Variants in IGLL1 observed in about 807,000 individuals in gnomAD.
IGLL1 encodes the protein immunoglobulin lambda like polypeptide 1.
A neutral mutation model predicts 10.5 loss-of-function variants in IGLL1; 10 were observed. The observed-to-expected ratio is 0.95, with a 90% CI of 0.59 to 1.62. The LOEUF is 1.62. IGLL1 is among the 40% of genes most tolerant of loss of function. The pLI, the probability that IGLL1 is intolerant of heterozygous loss-of-function variation, is 0.00. For synonymous variants in IGLL1, 141 were observed against 122.7 expected, an observed-to-expected ratio of 1.15 and a Z score of -0.99; for missense variants, 284 against 278.7, an observed-to-expected ratio of 1.02 and a Z score of -0.14.
At position 23,575,055 on chromosome 22, in the gene IGLL1, A is replaced by G. The variant is rs148009596; in HGVS notation, c.234T>C (p.Thr78=). 6.2e-7 allele frequency: 1 copy of G among 1,614,034 alleles called. No homozygotes were observed. Among genetic ancestry groups the G allele is most frequent in the Non-Finnish European group, 8.5e-7 (1 of 1,179,894 alleles). ...ACCCCCGGGGCCAGCACCTGGGGCC[A>G]GTCCAGGAGCCGCGCTGGAGCAGGA... is the stretch of plus-strand genomic sequence containing the variant. ...GRFLLQRGSW[T]GPRCWPRGFQ... Residue 78 remains threonine, a synonymous_variant, in exon 2 of 3, where the codon ACT becomes ACC. Coordinates refer to ENST00000330377, the MANE Select transcript of IGLL1 (RefSeq NM_020070.4).
intron 1 of IGLL1, among the ~76,000 whole-genome samples, chr22:23,577,790 C>T (rs1433070433): frequency 2.6e-5 from 4 of 152,058 alleles, no homozygotes; most frequent in Admixed American, 2.0e-4. Flanking sequence ...GCCTCAGCCT[C>T]CCAAAGTTGT....
chr22:23,578,234 T>C (rs1051909122), intron 1 of IGLL1, among the ~76,000 whole-genome samples: 1 of 152,158 alleles, frequency 6.6e-6, no homozygotes, highest in Non-Finnish European at 1.5e-5. Context: ...CTTACATTAA[T>C]AGCCCCCCAA....
Position 23,573,607 on chromosome 22 carries a change from T to G in IGLL1, c.323-22A>C, listed in dbSNP as rs367855987. ...TGACCTGTGTGGACAGAGGAGGGGG[T>G]GAGAGATGGCAGAGGGAGTGTGGGG... On this transcript the variant is annotated intron_variant, in intron 2 of 2. Transcript: ENST00000330377. 681 of 1,573,388 alleles carry G rather than the reference T, an allele frequency of 4.3e-4. 1 individual carries two copies. In the African/African-American group the frequency reaches 6.5e-3, roughly 15 times the overall value.
At chr22:23,578,044 CAGCT>C (rs1020546086) in intron 1 of IGLL1, among the ~76,000 whole-genome samples, 1 of 151,974 alleles carries the variant, frequency 6.6e-6, no homozygotes, top group Middle Eastern at 3.2e-3. Context: ...CCACCACGCC[CAGCT>C]AGTTTTTGTA....
chr22:23,577,471 T>C (rs1925116646), intron 1 of IGLL1, among the ~76,000 whole-genome samples: 1 of 151,538 alleles, frequency 6.6e-6, no homozygotes, highest in Non-Finnish European at 1.5e-5. Context: ...TAATAAGCTA[T>C]GAATAGAAAA....
At position 23,575,018 on chromosome 22, in the gene IGLL1, G is replaced by A. The variant is rs1326173513; in HGVS notation, c.271C>T (p.His91Tyr). ...RCWPRGFQSK[H>Y]NSVTHVFGSG... ...CCAAACACATGCGTCACTGAGTTAT[G>A]CTTGGATTGAAACCCCCGGGGCCAG... The change falls in exon 2 of 3, where the codon CAT (histidine) becomes TAT (tyrosine). Residue 91 changes from histidine to tyrosine, a missense_variant. His to Tyr is a moderately conservative substitution (Grantham distance 83). Coordinates refer to ENST00000330377, the MANE Select transcript of IGLL1 (RefSeq NM_020070.4). 3.1e-6 allele frequency: 5 copies of A among 1,614,040 alleles called. No homozygotes were observed. In the African/African-American group the frequency reaches 4.0e-5, roughly 13 times the overall value.
Position 23,573,603 on chromosome 22 carries a change from G to T in IGLL1, c.323-18C>A, listed in dbSNP as rs748268331. On this transcript the variant is annotated intron_variant, in intron 2 of 2. Transcript: ENST00000330377. The stretch of plus-strand genomic sequence containing the variant: ...GGGCTGACCTGTGTGGACAGAGGAG[G>T]GGGTGAGAGATGGCAGAGGGAGTGT... The T allele has an allele frequency of 3.8e-6, 6 of 1,592,390 alleles. No individual in the cohort carries two copies. Among genetic ancestry groups the T allele is most frequent in the South Asian group, 1.1e-5 (1 of 90,612 alleles).
rs1331338309 is a variant in IGLL1 at position 23,573,526 on chromosome 22, C to T, written c.382G>A (p.Ala128Thr). The T allele has an allele frequency of 6.2e-7, 1 of 1,613,824 alleles. No individual in the cohort carries two copies. Among genetic ancestry groups the T allele is most frequent in the African/African-American group, 1.3e-5 (1 of 74,902 alleles). The part of the protein sequence containing the change: ...LFPPSSEELQ[A>T]NKATLVCLMN... ...AGACACACCAGTGTAGCCTTGTTGG[C>T]TTGGAGCTCCTCAGAGGACGGCGGG... The change falls in exon 3 of 3, where the codon GCC (alanine) becomes ACC (threonine). Residue 128 changes from alanine (A) to threonine (T), a missense_variant. By Grantham distance (58) the Ala-to-Thr change is moderately conservative (BLOSUM62 0). Coordinates refer to ENST00000330377, the MANE Select transcript of IGLL1 (RefSeq NM_020070.4).
rs1924874516 is a variant in IGLL1 at position 23,573,340 on chromosome 22, T to C, written c.568A>G (p.Arg190Gly). ...TGCATGACCTGGCAGCTGTAGCTTCTGCGGGACCTCCACTGCTCGGGCGTC... is the reference window on the plus strand; with the variant it reads ...TGCATGACCTGGCAGCTGTAGCTTCCGCGGGACCTCCACTGCTCGGGCGTC... ...SLTPEQWRSR[R>G]SYSCQVMHEG... Residue 190 changes from arginine to glycine, a missense_variant, in exon 3 of 3, where the codon AGA becomes GGA. Coordinates refer to ENST00000330377, the MANE Select transcript of IGLL1 (RefSeq NM_020070.4). 5 of 1,614,118 alleles carry C rather than the reference T, an allele frequency of 3.1e-6. No homozygotes were observed. The highest frequency in any genetic ancestry group is 2.5e-6 in the Non-Finnish European group (3 of 1,180,012).
intron 1 of IGLL1, among the ~76,000 whole-genome samples, chr22:23,578,987 G>A (rs1016892999): frequency 2.6e-5 from 4 of 151,986 alleles, no homozygotes; most frequent in African/African-American, 9.7e-5. Flanking sequence ...AAAAAAAAGA[G>A]AGAAAAAGGG....
chr22:23,573,566 G>A lies in IGLL1; in HGVS notation c.342C>T (p.Pro114=), dbSNP rs146831457. The A allele has an allele frequency of 2.5e-6, 4 of 1,613,714 alleles. No homozygotes were observed. The East Asian group carries it at 6.7e-5, about 27-fold the overall frequency. The change falls in exon 3 of 3, where the codon CCC becomes CCT. Residue 114 remains proline, a synonymous_variant. Transcript: ENST00000330377. ...AGGACGGCGGGAACAGAGTGACCGAGGGGGTGGCCTTGGGCTGACCTGTGT... is the reference window on the plus strand; with the variant it reads ...AGGACGGCGGGAACAGAGTGACCGAAGGGGTGGCCTTGGGCTGACCTGTGT... ...LTVLSQPKAT[P]SVTLFPPSSE... is the part of the protein sequence containing the mutation.
At chr22:23,578,128 C>T (rs1925154298) in intron 1 of IGLL1, among the ~76,000 whole-genome samples, 1 of 152,102 alleles carries the variant, frequency 6.6e-6, no homozygotes, top group South Asian at 2.1e-4. Context: ...GTGATCTGCC[C>T]ATCTTGGCGT....
At position 23,575,032 on chromosome 22, in the gene IGLL1, C is replaced by A; in HGVS notation, c.257G>T (p.Gly86Val). The A allele has an allele frequency of 1.2e-6, 2 of 1,613,832 alleles. No homozygotes were observed. The highest frequency in any genetic ancestry group is 1.3e-5 in the African/African-American group (1 of 75,002). The change falls in exon 2 of 3, where the codon GGG becomes GTG. Residue 86 changes from glycine (G) to valine (V), a missense_variant. By Grantham distance (109) the Gly-to-Val change is moderately radical (BLOSUM62 -3). Coordinates refer to ENST00000330377, the MANE Select transcript of IGLL1 (RefSeq NM_020070.4). ...CACTGAGTTATGCTTGGATTGAAAC[C>A]CCCGGGGCCAGCACCTGGGGCCAGT... is the stretch of plus-strand genomic sequence containing the variant. ...SWTGPRCWPRGFQSKHNSVTH... is the reference protein window; with the variant it reads ...SWTGPRCWPRVFQSKHNSVTH...
At chr22:23,578,721 G>A (rs933503296) in intron 1 of IGLL1, among the ~76,000 whole-genome samples, 1 of 152,174 alleles carries the variant, frequency 6.6e-6, no homozygotes, top group Admixed American at 6.5e-5. Flanking sequence ...TTGGGAGGCT[G>A]AGGTGGGTGG....
rs1924982151 is a variant in IGLL1 at position 23,574,956 on chromosome 22, G to C, written c.322+11C>G. The C allele has an allele frequency of 1.3e-6, 2 of 1,578,422 alleles. No homozygotes were observed. Among genetic ancestry groups the C allele is most frequent in the Non-Finnish European group, 1.7e-6 (2 of 1,147,862 alleles). ...GAGGGTGGGACAGCCTGGGAAGTTA[G>C]AGCCACTTACTTAAAACGGTGAGCT... On this transcript the variant is annotated intron_variant, in intron 2 of 2. Coordinates refer to ENST00000330377, the MANE Select transcript of IGLL1 (RefSeq NM_020070.4).
rs577352984 is a variant in IGLL1, at chr22:23,575,046, C to G, written c.243G>C (p.Arg81Ser). 6.2e-7 allele frequency: 1 copy of G among 1,614,040 alleles called. No individual in the cohort carries two copies. The highest frequency in any genetic ancestry group is 2.2e-5 in the East Asian group (1 of 44,876). Reference protein sequence around the residue: ...LLQRGSWTGPRCWPRGFQSKH... With the variant: ...LLQRGSWTGPSCWPRGFQSKH... ...TGGATTGAAACCCCCGGGGCCAGCA[C>G]CTGGGGCCAGTCCAGGAGCCGCGCT... Residue 81 changes from arginine (R) to serine (S), a missense_variant, in exon 2 of 3, where the codon AGG becomes AGC. By Grantham distance (110) the Arg-to-Ser change is moderately radical (BLOSUM62 -1). Coordinates refer to ENST00000330377, the MANE Select transcript of IGLL1 (RefSeq NM_020070.4).
intron 1 of IGLL1, among the ~76,000 whole-genome samples, chr22:23,576,881 G>A (rs139720332): frequency 0.011 from 1,663 of 152,108 alleles, 27 homozygotes; most frequent in South Asian, 0.016. Flanking sequence ...CTCTAAACCC[G>A]TTAACTACAG....
intron 1 of IGLL1, among the ~76,000 whole-genome samples, chr22:23,577,354 C>A (rs1416402572): frequency 1.3e-5 from 2 of 152,064 alleles, no homozygotes; most frequent in African/African-American, 4.8e-5. Context: ...GCCCAGGCAA[C>A]ATAGTGAGAC....
chr22:23,578,118 G>A (rs554995174), intron 1 of IGLL1, among the ~76,000 whole-genome samples: 2 of 151,418 alleles, frequency 1.3e-5, no homozygotes, highest in African/African-American at 2.4e-5. Context: ...TCCTGACCTC[G>A]TGATCTGCCC....
Sources: gnomAD v4.1 joint callset for allele counts (sites outside exome capture counted in the v4.1 genomes callset) on GRCh38, gnomAD v4.1.1 for gene constraint, MANE v1.5 for transcripts, NCBI Gene and HGNC (gene_info 2026-07-23, HGNC 2026-07-21) for gene names.